ADAMTSL1: variants seen among roughly 807,000 people sequenced by gnomAD.
ADAMTSL1 encodes the protein ADAMTS like 1, also known as ADAMTS-like protein 1.
In ADAMTSL1, 126 loss-of-function variants were observed where a neutral mutation model predicts 201.8. That is an observed-to-expected ratio of 0.62 (90% CI 0.54 to 0.72). The LOEUF (loss-of-function observed/expected upper bound fraction) is 0.72. ADAMTSL1 is among the 30% of genes least tolerant of loss of function. The pLI is 0.00. For missense variants in ADAMTSL1, 2,679 were observed against 2,277.8 expected (o/e 1.18, Z -3.59); for synonymous variants, 1,121 against 903.4 (o/e 1.24, Z -4.32).
chr9:17,974,016 A>G (rs2811811), intron 1 of ADAMTSL1, among the ~76,000 whole-genome samples: 122,326 of 151,870 alleles, frequency 0.81, 49,634 homozygotes, highest in East Asian at 0.92. Context: ...AATTGATTTT[A>G]TATCCTGAGA....
At chr9:18,585,647 AC>A (rs1383738917) in intron 4 of ADAMTSL1, among the ~76,000 whole-genome samples, 1 of 152,176 alleles carries the variant, frequency 6.6e-6, no homozygotes, top group Non-Finnish European at 1.5e-5. Flanking sequence ...GAGAGACACA[AC>A]AAAAAAAGAA....
At chr9:17,997,976 TTAATAGAA>T (rs1819452601) in intron 1 of ADAMTSL1, among the ~76,000 whole-genome samples, 4 of 152,046 alleles carry the variant, frequency 2.6e-5, no homozygotes, top group Non-Finnish European at 1.5e-5. Context: ...GTAGTCCCCA[TTAATAGAA>T]ATAGAAGCAG....
At chr9:18,180,834 C>T (rs1396874111) in intron 2 of ADAMTSL1, among the ~76,000 whole-genome samples, 5 of 152,236 alleles carry the variant, frequency 3.3e-5, no homozygotes, top group East Asian at 1.9e-4. Context: ...CCAAGTCAAT[C>T]CTAAGGCAAA....
intron 1 of ADAMTSL1, among the ~76,000 whole-genome samples, chr9:17,929,757 C>A (rs1439606667): frequency 6.6e-6 from 1 of 152,136 alleles, no homozygotes; most frequent in East Asian, 1.9e-4. Flanking sequence ...AAGTCCTGAC[C>A]CTGGACTTCC....
In ADAMTSL1 at chr9:18,874,027, G is replaced by A. The variant is rs750064218; in HGVS notation, c.4250-13804G>A. Among the ~76,000 whole-genome samples the A allele has an allele frequency of 6.6e-4, 101 of 151,922 alleles. 1 individual carries two copies. Among genetic ancestry groups the A allele is most frequent in the Middle Eastern group, 6.8e-3 (2 of 294 alleles). ...TTCACCTCCTTGGTTAGGTATATTC[G>A]TAAGTATTTTAATTTTTTTTGCAAC... On this transcript the variant is annotated intron_variant, in intron 23 of 28. Coordinates refer to ENST00000380548, the MANE Select transcript of ADAMTSL1 (RefSeq NM_001040272.6).
intron 4 of ADAMTSL1, among the ~76,000 whole-genome samples, chr9:18,596,361 G>C (rs1166590698): frequency 6.6e-6 from 1 of 152,156 alleles, no homozygotes; most frequent in African/African-American, 2.4e-5. Flanking sequence ...TCCAGCTTCT[G>C]ATCTTACTAT....
chr9:18,243,846 G>C (rs1831158079), intron 2 of ADAMTSL1, among the ~76,000 whole-genome samples: 1 of 149,986 alleles, frequency 6.7e-6, no homozygotes, highest in Admixed American at 6.6e-5. Context: ...TCCCAGGGAA[G>C]ACGAGACTCT....
intron 1 of ADAMTSL1, among the ~76,000 whole-genome samples, chr9:18,101,735 A>G (rs1023655280): frequency 1.3e-5 from 2 of 152,198 alleles, no homozygotes; most frequent in African/African-American, 4.8e-5. Flanking sequence ...GTAGGATTGA[A>G]TAAATGTATT....
intron 13 of ADAMTSL1, among the ~76,000 whole-genome samples, chr9:18,701,466 C>T (rs1268534324): frequency 1.3e-5 from 2 of 152,146 alleles, no homozygotes; most frequent in African/African-American, 2.4e-5. Context: ...GCGATCCGCC[C>T]ACCTCAGCCT....
At chr9:18,416,212 C>A (rs140874873) in intron 2 of ADAMTSL1, among the ~76,000 whole-genome samples, 1 of 152,038 alleles carries the variant, frequency 6.6e-6, no homozygotes, top group African/African-American at 2.4e-5. Flanking sequence ...ACAAAACTAG[C>A]GTAGTATGGA....
chr9:18,013,396 G>A (rs180992580), intron 1 of ADAMTSL1, among the ~76,000 whole-genome samples: 114 of 152,108 alleles, frequency 7.5e-4, no homozygotes, highest in African/African-American at 2.7e-3. Flanking sequence ...GATCATGGTC[G>A]AGAGTTCTGT....
At chr9:18,367,688 C>A (rs980056218) in intron 2 of ADAMTSL1, among the ~76,000 whole-genome samples, 1 of 151,946 alleles carries the variant, frequency 6.6e-6, no homozygotes, top group African/African-American at 2.4e-5. Flanking sequence ...ATTATTATCA[C>A]CATTTTGAAC....
intron 2 of ADAMTSL1, among the ~76,000 whole-genome samples, chr9:18,449,796 A>G (rs1332670741): frequency 2.0e-5 from 3 of 152,208 alleles, no homozygotes; most frequent in Admixed American, 6.5e-5. Flanking sequence ...GTTATTAGTC[A>G]TTAGGCAAAT....
At chr9:17,941,120 A>C (rs1205879759) in intron 1 of ADAMTSL1, among the ~76,000 whole-genome samples, 1 of 152,040 alleles carries the variant, frequency 6.6e-6, no homozygotes, top group Non-Finnish European at 1.5e-5. Flanking sequence ...TTGAAGTTGT[A>C]GTTCTGAGGC....
intron 2 of ADAMTSL1, among the ~76,000 whole-genome samples, chr9:18,213,881 A>C (rs1004100666): frequency 6.6e-6 from 1 of 151,974 alleles, no homozygotes; most frequent in Non-Finnish European, 1.5e-5. Context: ...CTGGGATTAC[A>C]CGCCTGGCTT....
chr9:18,817,562 T>C (rs1823941201), intron 21 of ADAMTSL1, among the ~76,000 whole-genome samples: 1 of 152,118 alleles, frequency 6.6e-6, no homozygotes, highest in Non-Finnish European at 1.5e-5. Context: ...GATAAATTCA[T>C]GGAAGTAGAA....
At chr9:18,076,835 G>C (rs1823250652) in intron 1 of ADAMTSL1, among the ~76,000 whole-genome samples, 1 of 152,126 alleles carries the variant, frequency 6.6e-6, no homozygotes, top group Admixed American at 6.5e-5. Context: ...GTGGAGTGTG[G>C]CTTGGCAGAA....
intron 3 of ADAMTSL1, among the ~76,000 whole-genome samples, chr9:18,559,541 G>T (rs1821336778): frequency 6.6e-6 from 1 of 152,108 alleles, no homozygotes; most frequent in South Asian, 2.1e-4. Flanking sequence ...CTAATTCTGT[G>T]AAGAAAGTCA....
chr9:18,614,509 G>A (rs1292987562), intron 4 of ADAMTSL1, among the ~76,000 whole-genome samples: 1 of 152,142 alleles, frequency 6.6e-6, no homozygotes, highest in Admixed American at 6.5e-5. Context: ...AATTGTGTGA[G>A]AAGCTATGTA....
Sources: gnomAD v4.1 joint callset for allele counts (sites outside exome capture counted in the v4.1 genomes callset) on GRCh38, gnomAD v4.1.1 for gene constraint, MANE v1.5 for transcripts, NCBI Gene and HGNC (gene_info 2026-07-23, HGNC 2026-07-21) for gene names.